DOCK4: variants seen among roughly 807,000 people sequenced by gnomAD.
DOCK4 encodes the protein dedicator of cytokinesis 4.
A neutral mutation model predicts 268.1 loss-of-function variants in DOCK4; 97 were observed. The observed-to-expected ratio is 0.36, with a 90% CI of 0.31 to 0.43. DOCK4 has a LOEUF of 0.43. Ranked by LOEUF, DOCK4 falls within the 20% of genes least tolerant of loss-of-function variation. The probability of loss-of-function intolerance (pLI) is 1.00; values close to 1 mark genes in which losing one functional copy is unlikely to be tolerated. For synonymous variants in DOCK4, 954 were observed against 887.2 expected, an observed-to-expected ratio of 1.08 and a Z score of -1.34; for missense variants, 2,145 against 2,455.7, an observed-to-expected ratio of 0.87 and a Z score of 2.67.
intron 49 of DOCK4, 73 bp from the exon 50 acceptor site, chr7:111,737,062 T>C: frequency 7.6e-7 from 1 of 1,320,174 alleles, no homozygotes; most frequent in Non-Finnish European, 1.1e-6. Flanking sequence ...AATGAGACGA[T>C]TATCTCCTCA....
At chr7:112,164,753 G>C (rs962762953) in intron 1 of DOCK4, among the ~76,000 whole-genome samples, 2 of 152,168 alleles carry the variant, frequency 1.3e-5, no homozygotes, top group African/African-American at 4.8e-5. Flanking sequence ...TTGAATCTTT[G>C]TGACCATCCT....
chr7:111,758,895 T>C, intron 40 of DOCK4, 105 bp from the exon 41 acceptor site: 2 of 1,059,312 alleles, frequency 1.9e-6, no homozygotes, highest in Non-Finnish European at 2.7e-6. Flanking sequence ...CAATCTTCTG[T>C]TTCCATTTCA....
intron 1 of DOCK4, among the ~76,000 whole-genome samples, chr7:112,086,315 G>T (rs1432345463): frequency 6.6e-6 from 1 of 152,060 alleles, no homozygotes. Flanking sequence ...CATAAGTCGT[G>T]CACCAGTTAA....
At chr7:111,804,602 T>G (rs1393795756) in intron 30 of DOCK4, among the ~76,000 whole-genome samples, 1 of 152,078 alleles carries the variant, frequency 6.6e-6, no homozygotes, top group African/African-American at 2.4e-5. Flanking sequence ...TTTATATTTA[T>G]TTTTATTTTT....
intron 44 of DOCK4, among the ~76,000 whole-genome samples, chr7:111,745,526 C>T (rs1010721817): frequency 1.3e-5 from 2 of 150,210 alleles, no homozygotes; most frequent in Admixed American, 1.3e-4. Flanking sequence ...ACTAAAAATG[C>T]AAAAAAAATT....
Position 112,001,859 on chromosome 7 carries a change from A to G in DOCK4, c.122-1325T>C, listed in dbSNP as rs138847691. 4.0e-3 allele frequency among the ~76,000 whole-genome samples: 604 copies of G among 152,324 alleles called. 5 individuals carry two copies. Among genetic ancestry groups the G allele is most frequent in the African/African-American group, 0.013 (559 of 41,568 alleles). On this transcript the variant is annotated intron_variant, in intron 2 of 52. Coordinates refer to ENST00000428084, the MANE Select transcript of DOCK4 (RefSeq NM_001363540.2). ...TAGGTCGCATCCCTTGCCAATAAGC[A>G]GGCTCAAGGACTGCTGGATTTAAGC...
In DOCK4 at chr7:111,811,957, TA is replaced by T. The variant is rs536254051; in HGVS notation, c.2931-9del. 1.7e-4 allele frequency: 249 copies of T among 1,443,274 alleles called. No individual in the cohort carries two copies. The highest frequency in any genetic ancestry group is 8.0e-4 in the East Asian group (32 of 39,872). The allele number at this position is 1,443,274 out of a possible 1,614,324, so 89.4% of individuals were successfully genotyped here. On this transcript the variant is annotated splice_polypyrimidine_tract_variant and intron_variant, in intron 27 of 52. Transcript: ENST00000428084. ...ACTGTTGTAATAATAACACTAGTGA[TA>T]AAAAAAATGACAAGGTGAAAACTTC...
At chr7:111,859,612 G>C (rs544350340) in intron 23 of DOCK4, among the ~76,000 whole-genome samples, 308 of 144,196 alleles carry the variant, frequency 2.1e-3, no homozygotes, top group Non-Finnish European at 3.1e-3. Flanking sequence ...CTGTCGCCCA[G>C]GCTGGAGTGC....
At chr7:111,788,410 G>A (rs1179876841) in intron 32 of DOCK4, 8 of 448,986 alleles carry the variant, frequency 1.8e-5, no homozygotes, top group Non-Finnish European at 3.2e-5. Context: ...AAAAGAGGGA[G>A]ATTTGTTATG....
intron 25 of DOCK4, among the ~76,000 whole-genome samples, chr7:111,838,268 AAAAGT>A (rs1803395690): frequency 2.0e-5 from 3 of 152,186 alleles, no homozygotes; most frequent in African/African-American, 4.8e-5. Context: ...TTTGAAAAAG[AAAAGT>A]AAAGTTGGAA....
intron 13 of DOCK4, among the ~76,000 whole-genome samples, chr7:111,911,149 A>G (rs1396301116): frequency 2.6e-5 from 4 of 152,200 alleles, no homozygotes; most frequent in African/African-American, 9.7e-5. Flanking sequence ...TGACCCTATC[A>G]GAATGCTAAA....
At chr7:111,814,280 C>T (rs1190588316) in intron 27 of DOCK4, among the ~76,000 whole-genome samples, 1 of 152,116 alleles carries the variant, frequency 6.6e-6, no homozygotes, top group African/African-American at 2.4e-5. Flanking sequence ...TGCTGGTAAA[C>T]AACATGGAAT....
chr7:111,978,540 C>T (rs979136803), intron 7 of DOCK4, among the ~76,000 whole-genome samples: 8 of 152,104 alleles, frequency 5.3e-5, no homozygotes, highest in Non-Finnish European at 1.2e-4. Context: ...CCTAAAGATC[C>T]AGATTATGAT....
In DOCK4 at chr7:111,726,178, A is replaced by C. The variant is rs1794647206; in HGVS notation, c.*2096T>G. Reference sequence around the variant, plus strand: ...AGCAACCAACATGAACATGTGGGCTAACAGAATCTCTTAAAATGTTCTGCT... The same window carrying C: ...AGCAACCAACATGAACATGTGGGCTCACAGAATCTCTTAAAATGTTCTGCT... On this transcript the variant is annotated 3_prime_UTR_variant, in exon 53 of 53. Transcript: ENST00000428084. 6.6e-6 allele frequency: 1 copy of C among 152,664 alleles called. No homozygotes were observed. The highest frequency in any genetic ancestry group is 1.5e-5 in the Non-Finnish European group (1 of 68,032). 9.5% of individuals were successfully genotyped at this position (152,664 alleles called of 1,614,324 possible).
chr7:111,872,600 T>C (rs935760677), intron 17 of DOCK4, 36 bp from the exon 18 acceptor site: 5 of 1,513,938 alleles, frequency 3.3e-6, no homozygotes, highest in Admixed American at 2.1e-5. Flanking sequence ...ATTGCCTTAA[T>C]AGAGAACAGG....
chr7:112,164,949 T>A (rs1359477226), intron 1 of DOCK4, among the ~76,000 whole-genome samples: 1 of 152,142 alleles, frequency 6.6e-6, no homozygotes. Flanking sequence ...GGAGTAAAAA[T>A]TTGTTATCTT....
chr7:111,745,916 T>G (rs975661069), intron 44 of DOCK4, among the ~76,000 whole-genome samples: 1 of 152,018 alleles, frequency 6.6e-6, no homozygotes, highest in African/African-American at 2.4e-5. Flanking sequence ...TGGGTTGCAG[T>G]CGAAACTTCA....
intron 27 of DOCK4, among the ~76,000 whole-genome samples, chr7:111,817,521 A>G (rs1257713374): frequency 6.6e-6 from 1 of 152,230 alleles, no homozygotes. Context: ...TCTTACCACA[A>G]AAAACAATGT....
At chr7:111,872,196 C>G in intron 19 of DOCK4, 73 bp downstream of exon 19, 1 of 1,371,068 alleles carries the variant, frequency 7.3e-7, no homozygotes, top group Admixed American at 2.5e-5. Context: ...GCACATGTTT[C>G]TGAACCAGCC....
Sources: allele counts gnomAD v4.1 joint callset (sites outside exome capture counted in the v4.1 genomes callset), GRCh38; gene constraint gnomAD v4.1.1; transcripts MANE v1.5; gene names NCBI Gene and HGNC (gene_info 2026-07-23, HGNC 2026-07-21).